The following RMC1 variants were observed in gnomAD, a reference collection of about 807,000 sequenced individuals.
The protein encoded by RMC1 is regulator of MON1-CCZ1 complex.
RMC1 carries 44 observed loss-of-function variants against 95.5 expected under a neutral mutation model. The ratio of observed to expected loss-of-function variants is 0.46; its 90% CI spans 0.36 to 0.59. RMC1 has a LOEUF of 0.59. Ranked by LOEUF, RMC1 falls within the 20% of genes least tolerant of loss-of-function variation. The pLI, the probability that RMC1 is intolerant of heterozygous loss-of-function variation, is 0.00. For synonymous variants in RMC1, 320 were observed against 303.6 expected, an observed-to-expected ratio of 1.05 and a Z score of -0.56; for missense variants, 705 against 819.6, an observed-to-expected ratio of 0.86 and a Z score of 1.71.
intron 7 of RMC1, 29 bp downstream of exon 7, chr18:23,516,452 C>T (rs1220890138): frequency 1.3e-6 from 2 of 1,598,844 alleles, no homozygotes; most frequent in Admixed American, 3.3e-5. Flanking sequence ...GAATTCCATC[C>T]TGTGATTGCT....
intron 5 of RMC1, among the ~76,000 whole-genome samples, chr18:23,512,384 G>A (rs2057885507): frequency 2.0e-5 from 3 of 151,894 alleles, no homozygotes; most frequent in Admixed American, 1.3e-4. Flanking sequence ...TTTGTATATT[G>A]TCCATTTGTA....
intron 12 of RMC1, 140 bp downstream of exon 12, chr18:23,524,622 T>TTC: frequency 1.3e-6 from 1 of 778,562 alleles, no homozygotes; most frequent in Non-Finnish European, 2.1e-6. Context: ...TTTTTTTTTT[T>TTC]CACTTTATAC....
In RMC1 at chr18:23,526,719, C is replaced by T. The variant is rs1213297980; in HGVS notation, c.1143C>T (p.Leu381=). The change falls in exon 13 of 20, where the codon CTC becomes CTT. Residue 381 remains leucine, a synonymous_variant. Coordinates refer to ENST00000269221, the MANE Select transcript of RMC1 (RefSeq NM_013326.5). The stretch of plus-strand genomic sequence containing the variant: ...AAGGAAGACTCATGGACTTTCTCCT[C>T]CAGAGAAAGGAATGCAAGATGGTCA... ...PDKGRLMDFL[L]QRKECKMVIL... is the part of the protein sequence containing the mutation. 6.2e-7 allele frequency: 1 copy of T among 1,613,852 alleles called. No individual in the cohort carries two copies. Among genetic ancestry groups the T allele is most frequent in the South Asian group, 1.1e-5 (1 of 91,090 alleles).
At chr18:23,505,642 A>G (rs1005367956) in intron 2 of RMC1, among the ~76,000 whole-genome samples, 6 of 152,342 alleles carry the variant, frequency 3.9e-5, no homozygotes, top group Admixed American at 1.3e-4. Context: ...GGAGCCTGTC[A>G]GAGTTAGGGA....
chr18:23,524,953 T>TC (rs1840234401), intron 12 of RMC1, among the ~76,000 whole-genome samples: 1 of 143,784 alleles, frequency 7.0e-6, no homozygotes, highest in Non-Finnish European at 1.5e-5. Flanking sequence ...TTTTTTTTTT[T>TC]TTTTTTTTTT....
intron 10 of RMC1, 125 bp downstream of exon 10, chr18:23,520,438 G>C (rs1330746799): frequency 1.2e-6 from 1 of 804,144 alleles, no homozygotes; most frequent in African/African-American, 1.7e-5. Context: ...AGATCTGTCT[G>C]ATTTTGCCAG....
chr18:23,520,412 A>G (rs2058112730), intron 10 of RMC1, 99 bp downstream of exon 10: 1 of 947,456 alleles, frequency 1.1e-6, no homozygotes, highest in Admixed American at 2.5e-5. Context: ...GGAGTGAGGA[A>G]TAAACAGAGA....
At chr18:23,509,737 T>A (rs2057801125) in intron 5 of RMC1, 1 of 152,142 alleles carries the variant, frequency 6.6e-6, no homozygotes, top group East Asian at 1.9e-4. Flanking sequence ...TAATTTTGTA[T>A]TTTTAGTAGA....
At position 23,527,769 on chromosome 18, in the gene RMC1, C is replaced by T. The variant is rs147352317; in HGVS notation, c.1190-26C>T. 6.7e-4 allele frequency: 1,054 copies of T among 1,583,790 alleles called. 3 individuals are homozygous for T. The highest frequency in any genetic ancestry group is 7.6e-4 in the Non-Finnish European group (876 of 1,152,612). On this transcript the variant is annotated intron_variant, in intron 13 of 19. Coordinates refer to ENST00000269221, the MANE Select transcript of RMC1 (RefSeq NM_013326.5). ...AAGCTGACATGAAGTTGGTTTGATC[C>T]GTGTGTGAACATTGTGCCTTTCCAG...
rs776096725 is a variant in RMC1, at chr18:23,526,644, C to G, written c.1068C>G (p.Leu356=). 18 of 1,614,024 alleles carry G rather than the reference C, an allele frequency of 1.1e-5. No homozygotes were observed. Among genetic ancestry groups the G allele is most frequent in the East Asian group, 2.2e-5 (1 of 44,886 alleles). The part of the protein sequence containing the change: ...DIIISASQGY[L]WNLQVKLEPI... ...CTGCCTCTTAAAATCCAGGTTACCT[C>G]TGGAACCTCCAAGTGAAACTTGAGC... Residue 356 remains leucine, a synonymous_variant, in exon 13 of 20, where the codon CTC becomes CTG. Coordinates refer to ENST00000269221, the MANE Select transcript of RMC1 (RefSeq NM_013326.5).
chr18:23,525,783 C>T (rs1282689840), intron 12 of RMC1, among the ~76,000 whole-genome samples: 1 of 152,118 alleles, frequency 6.6e-6, no homozygotes, highest in Non-Finnish European at 1.5e-5. Context: ...TCTAATACCT[C>T]GCCAGGCTGG....
intron 12 of RMC1, among the ~76,000 whole-genome samples, chr18:23,525,201 C>T: frequency 1.3e-5 from 2 of 151,992 alleles, no homozygotes; most frequent in East Asian, 3.9e-4. Flanking sequence ...CTGCCTCGGC[C>T]TCCCAAAGTG....
chr18:23,521,687 C>T (rs1161015447), intron 10 of RMC1, among the ~76,000 whole-genome samples: 1 of 75,164 alleles, frequency 1.3e-5, no homozygotes, highest in African/African-American at 7.2e-5. Flanking sequence ...TCAACACACA[C>T]TCTCTCTCTT....
rs1345261896 is a variant in RMC1 at position 23,521,569 on chromosome 18, T to TC, written c.961+1257dup. On this transcript the variant is annotated intron_variant, in intron 10 of 19. Coordinates refer to ENST00000269221, the MANE Select transcript of RMC1 (RefSeq NM_013326.5). ...TGTCTGGAGAGGTGGGGTTGGGAAG[T>TC]CAGAAGAGTGGAGGTCAGGAATTCA... 4.6e-5 allele frequency among the ~76,000 whole-genome samples: 7 copies of TC among 152,200 alleles called. 1 individual carries two copies. The South Asian group carries it at 1.5e-3, about 32-fold the overall frequency.
intron 12 of RMC1, among the ~76,000 whole-genome samples, chr18:23,526,152 C>A (rs2058292442): frequency 6.6e-6 from 1 of 152,168 alleles, no homozygotes; most frequent in Non-Finnish European, 1.5e-5. Flanking sequence ...TGTGGGTGAT[C>A]AGTACATTTA....
At chr18:23,529,859 A>T in intron 16 of RMC1, 147 bp downstream of exon 16, 1 of 1,046,722 alleles carries the variant, frequency 9.6e-7, no homozygotes. Context: ...TATTAGTTGG[A>T]ATGGGAAGTG....
rs561469798 is a variant in RMC1, at chr18:23,509,168, A to C, written c.322-25A>C. 9 of 1,052,250 alleles carry C rather than the reference A, an allele frequency of 8.6e-6. No homozygotes were observed. In the African/African-American group the frequency reaches 1.5e-4, roughly 18 times the overall value. 65.2% of individuals were successfully genotyped at this position (1,052,250 alleles called of 1,614,324 possible). A position where few individuals can be genotyped will look rare whatever the true frequency, so the allele number is the denominator to read the frequency against. On this transcript the variant is annotated intron_variant, in intron 4 of 19. Transcript: ENST00000269221. ...TATGTGTTTTTTCTTATTAATTAAA[A>C]ATATTTTTAAAAAATTTTTCTTAGA...
chr18:23,530,006 CACTTTTT>C lies in RMC1; in HGVS notation c.1495-15_1495-9del. ...GCTGAATGATTTGGAAGTGTTCTTT[CACTTTTT>C]ACTTTTGTCCTCAGCATTACCTACA... is the stretch of plus-strand genomic sequence containing the variant. On this transcript the variant is annotated splice_polypyrimidine_tract_variant and intron_variant, in intron 16 of 19. Coordinates refer to ENST00000269221, the MANE Select transcript of RMC1 (RefSeq NM_013326.5). The C allele has an allele frequency of 1.3e-6, 2 of 1,591,230 alleles. No homozygotes were observed. Among genetic ancestry groups the C allele is most frequent in the Non-Finnish European group, 1.7e-6 (2 of 1,159,576 alleles).
chr18:23,515,942 G>C lies in RMC1; in HGVS notation c.495G>C (p.Val165=). 1.2e-6 allele frequency: 2 copies of C among 1,614,122 alleles called. No individual in the cohort carries two copies. Among genetic ancestry groups the C allele is most frequent in the Non-Finnish European group, 1.7e-6 (2 of 1,180,022 alleles). Residue 165 remains valine (V), a synonymous_variant, in exon 6 of 20, where the codon GTG becomes GTC. Coordinates refer to ENST00000269221, the MANE Select transcript of RMC1 (RefSeq NM_013326.5). The stretch of plus-strand genomic sequence containing the variant: ...ACATGTACTGCCCCGAGAGCGCCGT[G>C]ATCTTGCTGTCTACCACGGTCCTGG... ...NWYMYCPESA[V]ILLSTTVLEN... is the part of the protein sequence containing the mutation.
Sources: allele counts gnomAD v4.1 joint callset (sites outside exome capture counted in the v4.1 genomes callset), GRCh38; gene constraint gnomAD v4.1.1; transcripts MANE v1.5; gene names NCBI Gene and HGNC (gene_info 2026-07-23, HGNC 2026-07-21).